The following ADAM12 variants were observed in gnomAD, a reference collection of about 807,000 sequenced individuals.
ADAM12 encodes disintegrin and metalloproteinase domain-containing protein 12.
Under a neutral mutation model 106.4 loss-of-function variants are expected in ADAM12, and 70 were observed. The ratio of observed to expected loss-of-function variants is 0.66; its 90% CI spans 0.54 to 0.80. ADAM12 has a LOEUF of 0.80. Ranked by LOEUF, ADAM12 falls within the 30% of genes least tolerant of loss-of-function variation. ADAM12 has a pLI of 0.00. For missense variants in ADAM12, 1,010 were observed against 1,171.9 expected, an observed-to-expected ratio of 0.86 and a Z score of 2.02; for synonymous variants, 420 against 433.5, an observed-to-expected ratio of 0.97 and a Z score of 0.39.
At chr10:126,109,276 T>C (rs929115175) in intron 7 of ADAM12, among the ~76,000 whole-genome samples, 1 of 152,156 alleles carries the variant, frequency 6.6e-6, no homozygotes, top group African/African-American at 2.4e-5. Context: ...ACAGAGAAGA[T>C]AATCTTTAGA....
At chr10:126,172,454 C>A (rs1406326878) in intron 3 of ADAM12, among the ~76,000 whole-genome samples, 1 of 152,096 alleles carries the variant, frequency 6.6e-6, no homozygotes, top group Admixed American at 6.5e-5. Context: ...AGGATATGAA[C>A]AGATATTTCT....
At chr10:126,106,486 CT>C (rs533243635) in intron 8 of ADAM12, among the ~76,000 whole-genome samples, 7,669 of 115,814 alleles carry the variant, frequency 0.066, 582 homozygotes, top group African/African-American at 0.24. Flanking sequence ...TCTTCTTCTT[CT>C]TTTTTTTTTT....
chr10:126,351,850 C>A (rs184446130), intron 1 of ADAM12, among the ~76,000 whole-genome samples: 4 of 152,280 alleles, frequency 2.6e-5, no homozygotes, highest in East Asian at 3.9e-4. Flanking sequence ...ATAATCCCCC[C>A]ACTCCAGCAC....
chr10:126,160,656 C>T (rs1349449692), intron 3 of ADAM12, among the ~76,000 whole-genome samples: 1 of 152,206 alleles, frequency 6.6e-6, no homozygotes, highest in African/African-American at 2.4e-5. Flanking sequence ...CTCTGACTTC[C>T]TCAGGTCCTG....
chr10:126,222,812 T>C (rs1019707004), intron 3 of ADAM12, among the ~76,000 whole-genome samples: 1 of 152,192 alleles, frequency 6.6e-6, no homozygotes, highest in African/African-American at 2.4e-5. Flanking sequence ...ATAAAAAGCA[T>C]CTAGTCTTCC....
At chr10:126,263,216 T>G (rs1959035109) in intron 3 of ADAM12, among the ~76,000 whole-genome samples, 1 of 152,138 alleles carries the variant, frequency 6.6e-6, no homozygotes, top group Non-Finnish European at 1.5e-5. Flanking sequence ...ATTCCTCTGG[T>G]TAAAGTGAGA....
chr10:126,098,406 C>T lies in ADAM12; in HGVS notation c.996+10G>A. The T allele has an allele frequency of 1.2e-6, 2 of 1,612,608 alleles. No individual in the cohort carries two copies. Among genetic ancestry groups the T allele is most frequent in the Non-Finnish European group, 1.7e-6 (2 of 1,178,720 alleles). ...TCAAGGGGAACCAGCTCCCAATGCC[C>T]TTGGCTTACCATGACAATTCCCCCA... On this transcript the variant is annotated intron_variant, in intron 10 of 22. Transcript: ENST00000448723.
At chr10:126,365,107 A>G (rs1357277113) in intron 1 of ADAM12, among the ~76,000 whole-genome samples, 1 of 152,214 alleles carries the variant, frequency 6.6e-6, no homozygotes, top group Non-Finnish European at 1.5e-5. Context: ...AATATTATCC[A>G]GTATGATTGG....
rs78178246 is a variant in ADAM12, at chr10:126,349,998, C to T, written c.89-19489G>A. Among the ~76,000 whole-genome samples the T allele has an allele frequency of 2.6e-3, 396 of 152,266 alleles. 6 individuals carry two copies. The South Asian group carries it at 0.035, about 14-fold the overall frequency. ...TAGAGCCAAGAAGCCACATAGTAGC[C>T]TTTGTTTCATCTTTCCTTCAACTCT... On this transcript the variant is annotated intron_variant, in intron 1 of 22. Coordinates refer to ENST00000448723, the MANE Select transcript of ADAM12 (RefSeq NM_001288973.2).
At chr10:126,300,912 A>G (rs773408952) in intron 2 of ADAM12, among the ~76,000 whole-genome samples, 2 of 149,694 alleles carry the variant, frequency 1.3e-5, no homozygotes, top group Non-Finnish European at 3.0e-5. Flanking sequence ...TTCTGTCCTC[A>G]GGTCTTTTCA....
intron 4 of ADAM12, among the ~76,000 whole-genome samples, chr10:126,143,612 TG>T (rs541458809): frequency 0.2 from 30,006 of 148,794 alleles, 3,399 homozygotes; most frequent in Non-Finnish European, 0.26. Flanking sequence ...TGTATGTATA[TG>T]GGGGTGCGTG....
intron 6 of ADAM12, among the ~76,000 whole-genome samples, chr10:126,117,396 G>C (rs1307968372): frequency 6.6e-6 from 1 of 152,194 alleles, no homozygotes; most frequent in Non-Finnish European, 1.5e-5. Flanking sequence ...AGATCCAGGG[G>C]CTGGTGGCCA....
Position 126,289,442 on chromosome 10 carries a change from C to T in ADAM12, c.187-10454G>A, listed in dbSNP as rs116789577. 2.6e-3 allele frequency among the ~76,000 whole-genome samples: 390 copies of T among 152,320 alleles called. 2 individuals carry two copies. Among genetic ancestry groups the T allele is most frequent in the African/African-American group, 8.7e-3 (362 of 41,574 alleles). On this transcript the variant is annotated intron_variant, in intron 2 of 22. Coordinates refer to ENST00000448723, the MANE Select transcript of ADAM12 (RefSeq NM_001288973.2). ...GCCATGTGCCTGGCATCCACATCCA[C>T]GGGTACCAGCCCCTTGCAACGTTCA...
rs143700213 is a variant in ADAM12 at position 126,120,303 on chromosome 10, T to C, written c.417-2079A>G. The stretch of plus-strand genomic sequence containing the variant: ...TTTAACAGTCATAGCACAGGTGAAT[T>C]GTAGAAGAATGATTACTCAATGGGG... On this transcript the variant is annotated intron_variant, in intron 5 of 22. Coordinates refer to ENST00000448723, the MANE Select transcript of ADAM12 (RefSeq NM_001288973.2). Among the ~76,000 whole-genome samples, 203 of 152,294 alleles carry C rather than the reference T, an allele frequency of 1.3e-3. 1 individual carries two copies. The East Asian group carries it at 0.032, about 24-fold the overall frequency.
At chr10:126,287,666 T>C (rs971426060) in intron 2 of ADAM12, among the ~76,000 whole-genome samples, 2 of 151,988 alleles carry the variant, frequency 1.3e-5, no homozygotes, top group Admixed American at 6.6e-5. Flanking sequence ...TTGTGGCTGC[T>C]GACTCTCTGC....
intron 10 of ADAM12, among the ~76,000 whole-genome samples, chr10:126,097,105 C>CT (rs1406065653): frequency 1.3e-5 from 2 of 152,028 alleles, no homozygotes; most frequent in African/African-American, 2.4e-5. Context: ...AGTTCCAGCT[C>CT]TAAAAAAAAT....
intron 1 of ADAM12, among the ~76,000 whole-genome samples, chr10:126,348,939 T>A (rs991321557): frequency 2.0e-5 from 3 of 152,218 alleles, no homozygotes; most frequent in African/African-American, 7.2e-5. Context: ...GGGAGTCCTG[T>A]TTTATCTGGC....
chr10:126,240,502 A>G (rs936297354), intron 3 of ADAM12, among the ~76,000 whole-genome samples: 2 of 152,242 alleles, frequency 1.3e-5, no homozygotes, highest in African/African-American at 4.8e-5. Flanking sequence ...GAGGAGATGC[A>G]GTTTAAAGGG....
At chr10:126,348,620 C>T (rs1855236599) in intron 1 of ADAM12, among the ~76,000 whole-genome samples, 1 of 152,176 alleles carries the variant, frequency 6.6e-6, no homozygotes, top group African/African-American at 2.4e-5. Flanking sequence ...TCTAACAGAA[C>T]ACTCTTTTTA....
Sources: allele counts gnomAD v4.1 joint callset (sites outside exome capture counted in the v4.1 genomes callset), GRCh38; gene constraint gnomAD v4.1.1; transcripts MANE v1.5; gene names NCBI Gene and HGNC (gene_info 2026-07-23, HGNC 2026-07-21).